Variants in ALDH5A1 observed in about 807,000 individuals in gnomAD.
ALDH5A1 encodes succinate-semialdehyde dehydrogenase, mitochondrial.
ALDH5A1 carries 33 observed loss-of-function variants against 54.7 expected under a neutral mutation model. The ratio of observed to expected loss-of-function variants is 0.60; its 90% CI spans 0.46 to 0.81. ALDH5A1 has a LOEUF of 0.81. Ranked by LOEUF, ALDH5A1 falls within the 30% of genes least tolerant of loss-of-function variation. The pLI, the probability that ALDH5A1 is intolerant of heterozygous loss-of-function variation, is 0.00. For missense variants in ALDH5A1, 657 were observed against 711.0 expected, an observed-to-expected ratio of 0.92 and a Z score of 0.86; for synonymous variants, 294 against 292.7, an observed-to-expected ratio of 1.00 and a Z score of -0.05.
chr6:24,515,101 T>TA, intron 4 of ALDH5A1, 66 bp from the exon 5 acceptor site: 1 of 1,466,772 alleles, frequency 6.8e-7, no homozygotes, highest in Non-Finnish European at 9.3e-7. Context: ...ATTTCTCTTT[T>TA]CTTTTTTTTT....
intron 7 of ALDH5A1, among the ~76,000 whole-genome samples, chr6:24,525,804 C>T (rs1444728066): frequency 6.6e-6 from 1 of 152,018 alleles, no homozygotes; most frequent in East Asian, 1.9e-4. Context: ...TTGGTGGCTA[C>T]AGAAAGTAGG....
chr6:24,527,891 T>G (rs967727762), intron 7 of ALDH5A1, 106 bp from the exon 8 acceptor site: 17 of 1,352,384 alleles, frequency 1.3e-5, no homozygotes, highest in Non-Finnish European at 1.8e-5. Context: ...TTAACCTACT[T>G]TTTTTGAAAA....
chr6:24,523,930 T>C (rs1561877275), intron 7 of ALDH5A1, among the ~76,000 whole-genome samples: 1 of 151,904 alleles, frequency 6.6e-6, no homozygotes, highest in African/African-American at 2.4e-5. Context: ...TTTAAAAAAA[T>C]CCATTTTGGA....
chr6:24,496,995 C>T (rs978345423), intron 1 of ALDH5A1, among the ~76,000 whole-genome samples: 26 of 152,072 alleles, frequency 1.7e-4, no homozygotes, highest in African/African-American at 4.8e-4. Context: ...TAAGTGTGTC[C>T]GGAGTTGGTT....
At chr6:24,512,296 A>C (rs1211915071) in intron 4 of ALDH5A1, among the ~76,000 whole-genome samples, 1 of 152,138 alleles carries the variant, frequency 6.6e-6, no homozygotes, top group Non-Finnish European at 1.5e-5. Flanking sequence ...AGTTTTCCTG[A>C]TTTATTCCTG....
chr6:24,504,801 C>T (rs1759305662), intron 3 of ALDH5A1, 68 bp from the exon 4 acceptor site: 2 of 1,448,194 alleles, frequency 1.4e-6, no homozygotes, highest in Non-Finnish European at 9.7e-7. Flanking sequence ...GACTTCCCAA[C>T]ATGCCTTCCT....
At chr6:24,517,224 C>T (rs559127310) in intron 5 of ALDH5A1, among the ~76,000 whole-genome samples, 3 of 152,172 alleles carry the variant, frequency 2.0e-5, no homozygotes, top group Non-Finnish European at 2.9e-5. Context: ...CAGGCTGATC[C>T]GGAACTCCTG....
At chr6:24,521,090 A>G (rs1466292569) in intron 6 of ALDH5A1, among the ~76,000 whole-genome samples, 1 of 152,222 alleles carries the variant, frequency 6.6e-6, no homozygotes, top group Non-Finnish European at 1.5e-5. Flanking sequence ...GTTGCCTGCT[A>G]TGACCCAGTG....
chr6:24,511,367 T>C (rs550629601), intron 4 of ALDH5A1, among the ~76,000 whole-genome samples: 1 of 152,338 alleles, frequency 6.6e-6, no homozygotes, highest in African/African-American at 2.4e-5. Flanking sequence ...TGTCTAGGTC[T>C]CTAGCAAGGC....
chr6:24,526,969 TGTG>T lies in ALDH5A1; in HGVS notation c.1174-1027_1174-1025del, dbSNP rs1390746162. 8.5e-3 allele frequency among the ~76,000 whole-genome samples: 62 copies of T among 7,266 alleles called. 1 individual carries two copies. Among genetic ancestry groups the T allele is most frequent in the African/African-American group, 0.019 (60 of 3,196 alleles). 4.8% of individuals were successfully genotyped at this position (7,266 alleles called of 152,430 possible). ...TATATATCTAATATATATATATGTGTGTGTGTATATATATATATATATATATAT... is the reference window on the plus strand; with the variant it reads ...TATATATCTAATATATATATATGTGTTGTATATATATATATATATATATAT... On this transcript the variant is annotated intron_variant, in intron 7 of 9. Transcript: ENST00000357578.
At chr6:24,520,118 G>A (rs1414863667) in intron 5 of ALDH5A1, among the ~76,000 whole-genome samples, 1 of 151,924 alleles carries the variant, frequency 6.6e-6, no homozygotes, top group East Asian at 1.9e-4. Flanking sequence ...TGCCCAGGCT[G>A]GTCTGGAACC....
At position 24,501,939 on chromosome 6, in the gene ALDH5A1, G is replaced by A. The variant is rs548261009; in HGVS notation, c.355-584G>A. On this transcript the variant is annotated intron_variant, in intron 1 of 9. Transcript: ENST00000357578. The stretch of plus-strand genomic sequence containing the variant: ...GGTGTATATATATATGTGTGTGTGT[G>A]TATATATATATGTGTATGTGTGTAT... 7.6e-3 allele frequency among the ~76,000 whole-genome samples: 953 copies of A among 125,702 alleles called. 13 individuals are homozygous for A. Among genetic ancestry groups the A allele is most frequent in the African/African-American group, 0.03 (829 of 27,838 alleles). The allele number at this position is 125,702 out of a possible 152,430, so 82.5% of individuals were successfully genotyped here.
chr6:24,516,323 C>G (rs1316803865), intron 5 of ALDH5A1, among the ~76,000 whole-genome samples: 1 of 150,394 alleles, frequency 6.6e-6, no homozygotes, highest in African/African-American at 2.5e-5. Flanking sequence ...GTAGTCCCAC[C>G]TACTTAGGAG....
At chr6:24,512,912 A>C (rs1482329221) in intron 4 of ALDH5A1, among the ~76,000 whole-genome samples, 2 of 150,898 alleles carry the variant, frequency 1.3e-5, no homozygotes, top group African/African-American at 4.9e-5. Flanking sequence ...CTGGTCTGGA[A>C]CTCCTCACCT....
At chr6:24,530,379 T>A (rs1361469678) in intron 8 of ALDH5A1, among the ~76,000 whole-genome samples, 1 of 152,228 alleles carries the variant, frequency 6.6e-6, no homozygotes, top group Non-Finnish European at 1.5e-5. Flanking sequence ...AACATTTTTA[T>A]TCTCTTCCAC....
In ALDH5A1 at chr6:24,502,521, A is replaced by G. The variant is rs1561869215; in HGVS notation, c.355-2A>G. ...TTTTCTGCCTTGTTATTTCTTTTGCAGGAGAGGAGTTCATTACTTCGGAAG... is the reference window on the plus strand; with the variant it reads ...TTTTCTGCCTTGTTATTTCTTTTGCGGGAGAGGAGTTCATTACTTCGGAAG... On this transcript the variant is annotated splice_acceptor_variant, in intron 1 of 9. Transcript: ENST00000357578. LOFTEE classifies it high-confidence loss of function. 1 of 1,606,386 alleles carries G rather than the reference A, an allele frequency of 6.2e-7. No homozygotes were observed. Among genetic ancestry groups the G allele is most frequent in the Non-Finnish European group, 8.5e-7 (1 of 1,172,994 alleles).
intron 1 of ALDH5A1, among the ~76,000 whole-genome samples, chr6:24,499,799 C>T (rs1267839035): frequency 6.6e-6 from 1 of 151,972 alleles, no homozygotes; most frequent in African/African-American, 2.4e-5. Context: ...GCTGGGACTA[C>T]AGGCGCCTGC....
chr6:24,504,504 A>G (rs2127382770), intron 3 of ALDH5A1, among the ~76,000 whole-genome samples: 1 of 152,342 alleles, frequency 6.6e-6, no homozygotes, highest in Admixed American at 6.5e-5. Flanking sequence ...TCATACACCT[A>G]CTATCTGTGG....
chr6:24,500,312 A>C (rs1045529051), intron 1 of ALDH5A1, among the ~76,000 whole-genome samples: 1 of 152,120 alleles, frequency 6.6e-6, no homozygotes, highest in African/African-American at 2.4e-5. Context: ...TGCCTCATGC[A>C]TGCCCCAGTC....
Sources: gnomAD v4.1 joint callset for allele counts (sites outside exome capture counted in the v4.1 genomes callset) on GRCh38, gnomAD v4.1.1 for gene constraint, MANE v1.5 for transcripts, NCBI Gene and HGNC (gene_info 2026-07-23, HGNC 2026-07-21) for gene names.